MACROD2: variants seen among roughly 807,000 people sequenced by gnomAD.
MACROD2 encodes ADP-ribose glycohydrolase MACROD2.
MACROD2 carries 36 observed loss-of-function variants against 70.4 expected under a neutral mutation model. The ratio of observed to expected loss-of-function variants is 0.51; its 90% CI spans 0.39 to 0.68. The LOEUF (loss-of-function observed/expected upper bound fraction) is 0.68. Among genes scored for constraint, MACROD2 ranks in the 30% least tolerant of loss-of-function variants. The pLI is 0.00. For synonymous variants in MACROD2, 172 were observed against 178.8 expected, an observed-to-expected ratio of 0.96 and a Z score of 0.30; for missense variants, 496 against 538.4, an observed-to-expected ratio of 0.92 and a Z score of 0.78.
At chr20:14,852,769 A>G (rs938848765) in intron 5 of MACROD2, among the ~76,000 whole-genome samples, 1 of 152,204 alleles carries the variant, frequency 6.6e-6, no homozygotes, top group Non-Finnish European at 1.5e-5. Context: ...ATTTGCTTTC[A>G]TGGCTTAACA....
At chr20:14,858,120 C>T (rs961949961) in intron 5 of MACROD2, among the ~76,000 whole-genome samples, 2 of 151,998 alleles carry the variant, frequency 1.3e-5, no homozygotes, top group African/African-American at 4.8e-5. Context: ...AGTGCCTGGC[C>T]GAGGAATGTT....
chr20:14,924,447 A>C (rs1168794725), intron 5 of MACROD2, among the ~76,000 whole-genome samples: 3 of 150,566 alleles, frequency 2.0e-5, no homozygotes, highest in African/African-American at 7.5e-5. Flanking sequence ...TCAAAAAATA[A>C]AAATAAAAAA....
intron 5 of MACROD2, among the ~76,000 whole-genome samples, chr20:14,977,223 A>G (rs1343371038): frequency 6.6e-6 from 1 of 152,008 alleles, no homozygotes; most frequent in Non-Finnish European, 1.5e-5. Context: ...TGCCCAGGGC[A>G]AAGCAAACAA....
At chr20:14,853,893 G>T (rs1478916336) in intron 5 of MACROD2, among the ~76,000 whole-genome samples, 2 of 152,058 alleles carry the variant, frequency 1.3e-5, no homozygotes, top group Admixed American at 1.3e-4. Flanking sequence ...AAATGTAAGA[G>T]GAACCATTAA....
chr20:14,300,871 A>C (rs1404895013), intron 3 of MACROD2, among the ~76,000 whole-genome samples: 1 of 152,220 alleles, frequency 6.6e-6, no homozygotes, highest in Non-Finnish European at 1.5e-5. Context: ...TCATTGTCAC[A>C]TTAGACCTTT....
chr20:15,403,340 C>T (rs1225611206), intron 6 of MACROD2, among the ~76,000 whole-genome samples: 1 of 151,904 alleles, frequency 6.6e-6, no homozygotes, highest in Non-Finnish European at 1.5e-5. Flanking sequence ...TTCTATAATT[C>T]AGTTTTAATA....
intron 7 of MACROD2, among the ~76,000 whole-genome samples, chr20:15,486,327 C>A (rs1288773873): frequency 6.6e-6 from 1 of 152,150 alleles, no homozygotes; most frequent in Non-Finnish European, 1.5e-5. Context: ...CTACTGTGCA[C>A]AACAGCATTC....
intron 3 of MACROD2, among the ~76,000 whole-genome samples, chr20:14,260,645 G>A (rs2122309917): frequency 6.6e-6 from 1 of 152,310 alleles, no homozygotes; most frequent in Non-Finnish European, 1.5e-5. Flanking sequence ...AGTGGCTTAG[G>A]ACACAGTCTG....
chr20:15,176,505 T>A (rs1448173747), intron 5 of MACROD2, among the ~76,000 whole-genome samples: 1 of 152,120 alleles, frequency 6.6e-6, no homozygotes, highest in Non-Finnish European at 1.5e-5. Flanking sequence ...ACCTCAGGAC[T>A]ACCAGCTGCA....
chr20:15,157,783 T>G (rs527866812), intron 5 of MACROD2, among the ~76,000 whole-genome samples: 2 of 152,224 alleles, frequency 1.3e-5, no homozygotes, highest in African/African-American at 4.8e-5. Context: ...GTGTTTATTA[T>G]TGTACCTGCA....
intron 2 of MACROD2, among the ~76,000 whole-genome samples, chr20:14,084,172 T>TTC (rs2148668495): frequency 6.6e-6 from 1 of 151,918 alleles, no homozygotes; most frequent in Non-Finnish European, 1.5e-5. Flanking sequence ...ATAGATTATT[T>TTC]TCTAGTCTTG....
intron 7 of MACROD2, among the ~76,000 whole-genome samples, chr20:15,493,744 T>C (rs1414324037): frequency 6.6e-6 from 1 of 152,236 alleles, no homozygotes; most frequent in Non-Finnish European, 1.5e-5. Flanking sequence ...TGTAGCTGCA[T>C]TGGAACCATT....
intron 5 of MACROD2, among the ~76,000 whole-genome samples, chr20:15,072,270 C>T (rs116384855): frequency 0.015 from 2,289 of 152,124 alleles, 54 homozygotes; most frequent in African/African-American, 0.052. Flanking sequence ...AGAAGATCTT[C>T]GGTATCTTTC....
At position 15,753,474 on chromosome 20, in the gene MACROD2, C is replaced by T. The variant is rs940182219; in HGVS notation, c.646-109271C>T. ...ATTCTTTTTATGGCTGGGTAATATT[C>T]CATGGTGTATATGTACCACATTTTC... On this transcript the variant is annotated intron_variant, in intron 8 of 17. Transcript: ENST00000684519. Among the ~76,000 whole-genome samples the T allele has an allele frequency of 2.9e-4, 44 of 152,170 alleles. 2 individuals carry two copies.
At chr20:15,593,042 C>G (rs2048699362) in intron 8 of MACROD2, among the ~76,000 whole-genome samples, 1 of 152,168 alleles carries the variant, frequency 6.6e-6, no homozygotes, top group Non-Finnish European at 1.5e-5. Context: ...GAGAGACACA[C>G]AAGCACACAC....
chr20:15,268,520 C>T (rs780858867), intron 6 of MACROD2, among the ~76,000 whole-genome samples: 2 of 151,998 alleles, frequency 1.3e-5, no homozygotes, highest in Middle Eastern at 3.4e-3. Context: ...CAGGTGTGGT[C>T]GTGGGCGCCT....
At chr20:14,114,618 A>G (rs1418166640) in intron 3 of MACROD2, among the ~76,000 whole-genome samples, 1 of 152,084 alleles carries the variant, frequency 6.6e-6, no homozygotes, top group East Asian at 1.9e-4. Context: ...GGAAGGTGGT[A>G]ACAAATTATT....
At position 15,086,274 on chromosome 20, in the gene MACROD2, TA is replaced by T. The variant is rs1292801877; in HGVS notation, c.419-143660del. Among the ~76,000 whole-genome samples the T allele has an allele frequency of 4.6e-5, 7 of 152,338 alleles. No individual in the cohort carries two copies. In the South Asian group the frequency reaches 1.4e-3, roughly 32 times the overall value. On this transcript the variant is annotated intron_variant, in intron 5 of 17. Transcript: ENST00000684519. The stretch of plus-strand genomic sequence containing the variant: ...GCTAACTTGCAAATTGTAACTAGTT[TA>T]AAAAATGATTTGTTATTGAATACAC...
intron 3 of MACROD2, among the ~76,000 whole-genome samples, chr20:14,449,261 TG>T (rs544611535): frequency 2.6e-5 from 4 of 152,258 alleles, no homozygotes; most frequent in Non-Finnish European, 5.9e-5. Context: ...AATGAATAGA[TG>T]GTTCTTTGTA....
Sources: allele counts gnomAD v4.1 joint callset (sites outside exome capture counted in the v4.1 genomes callset), GRCh38; gene constraint gnomAD v4.1.1; transcripts MANE v1.5; gene names NCBI Gene and HGNC (gene_info 2026-07-23, HGNC 2026-07-21).